The following FGF14 variants were observed in gnomAD, a reference collection of about 807,000 sequenced individuals.
The protein encoded by FGF14 is fibroblast growth factor homologous factor 4.
A neutral mutation model predicts 25.5 loss-of-function variants in FGF14; 5 were observed. The ratio of observed to expected loss-of-function variants is 0.20; its 90% CI spans 0.10 to 0.41. The LOEUF (loss-of-function observed/expected upper bound fraction) is 0.41. FGF14 is among the 10% of genes least tolerant of loss of function. FGF14 has a pLI of 1.00. For synonymous variants in FGF14, 138 were observed against 118.3 expected (o/e 1.17, Z -1.08); for missense variants, 222 against 320.1 (o/e 0.69, Z 2.34).
intron 1 of FGF14, among the ~76,000 whole-genome samples, chr13:102,059,962 A>C (rs1201469503): frequency 6.6e-6 from 1 of 152,208 alleles, no homozygotes; most frequent in Non-Finnish European, 1.5e-5. Context: ...GCCAAGGACT[A>C]AAATCAGTTA....
At chr13:102,253,600 C>G (rs1030035153) in intron 1 of FGF14, among the ~76,000 whole-genome samples, 2 of 152,140 alleles carry the variant, frequency 1.3e-5, no homozygotes, top group African/African-American at 4.8e-5. Context: ...CAAAAATTTC[C>G]CCCATTCTGT....
intron 1 of FGF14, among the ~76,000 whole-genome samples, chr13:101,976,676 C>G (rs2037946303): frequency 6.6e-6 from 1 of 152,174 alleles, no homozygotes; most frequent in South Asian, 2.1e-4. Flanking sequence ...TGCCATCACC[C>G]TCATTTCCTG....
intron 1 of FGF14, among the ~76,000 whole-genome samples, chr13:101,932,500 T>C (rs2034819986): frequency 7.5e-6 from 1 of 133,136 alleles, no homozygotes; most frequent in African/African-American, 3.0e-5. Context: ...GCCATTGCAC[T>C]CCAGCCTGGG....
intron 3 of FGF14, among the ~76,000 whole-genome samples, chr13:101,821,083 G>T: frequency 6.7e-6 from 1 of 148,384 alleles, no homozygotes; most frequent in African/African-American, 2.5e-5. Context: ...CAAGTAGCTG[G>T]GAGTACAGGC....
chr13:102,063,615 C>CA (rs56352155), intron 1 of FGF14, among the ~76,000 whole-genome samples: 17,381 of 136,576 alleles, frequency 0.13, 1,340 homozygotes, highest in African/African-American at 0.23. Flanking sequence ...GACTCTGTCT[C>CA]AAAAAAAAAA....
chr13:102,361,913 C>A (rs745371516), intron 1 of FGF14, among the ~76,000 whole-genome samples: 21 of 152,068 alleles, frequency 1.4e-4, no homozygotes, highest in Non-Finnish European at 2.8e-4. Context: ...CAGTCCAGGG[C>A]TGACATGGTG....
At chr13:101,953,100 A>C (rs2036278881) in intron 1 of FGF14, among the ~76,000 whole-genome samples, 1 of 152,004 alleles carries the variant, frequency 6.6e-6, no homozygotes, top group Non-Finnish European at 1.5e-5. Context: ...TCCCTCTACT[A>C]TTTGGCCAGA....
chr13:101,909,638 T>C (rs929461675), intron 1 of FGF14, among the ~76,000 whole-genome samples: 6 of 152,212 alleles, frequency 3.9e-5, no homozygotes, highest in Non-Finnish European at 8.8e-5. Flanking sequence ...TTTTACACTG[T>C]TGGTGGGACT....
intron 1 of FGF14, among the ~76,000 whole-genome samples, chr13:102,341,112 G>GA (rs1036936393): frequency 6.6e-6 from 1 of 151,824 alleles, no homozygotes; most frequent in Admixed American, 6.6e-5. Context: ...TAAAAGGGGG[G>GA]AAAAAAGACT....
chr13:102,186,861 G>A (rs1232900671), intron 1 of FGF14, among the ~76,000 whole-genome samples: 1 of 152,144 alleles, frequency 6.6e-6, no homozygotes, highest in Admixed American at 6.5e-5. Flanking sequence ...TGCAAGCAAT[G>A]CAGGCACACA....
rs569413824 is a variant in FGF14 at position 101,968,636 on chromosome 13, G to A, written c.209-93340C>T. ...TGCAGTGAGCTGAGATCGTGCCACT[G>A]CAATCCAGCCTGGGCGACAGAGCGA... On this transcript the variant is annotated intron_variant, in intron 1 of 4. Transcript: ENST00000376131. 4.7e-4 allele frequency among the ~76,000 whole-genome samples: 64 copies of A among 137,188 alleles called. No individual in the cohort carries two copies. In the South Asian group the frequency reaches 8.4e-3, roughly 18 times the overall value. 90.0% of individuals were successfully genotyped at this position (137,188 alleles called of 152,430 possible). A position where few individuals can be genotyped will look rare whatever the true frequency, so the allele number is the denominator to read the frequency against.
chr13:102,176,699 A>T (rs974174732), intron 1 of FGF14, among the ~76,000 whole-genome samples: 2 of 152,180 alleles, frequency 1.3e-5, no homozygotes, highest in Admixed American at 6.5e-5. Context: ...GATAGATATC[A>T]TGCTAAGTGT....
intron 1 of FGF14, among the ~76,000 whole-genome samples, chr13:102,242,422 AAGTCC>A (rs2051647500): frequency 6.6e-6 from 1 of 152,084 alleles, no homozygotes; most frequent in Non-Finnish European, 1.5e-5. Context: ...GGAGGCTGGC[AAGTCC>A]AAGATCAGGG....
At chr13:102,190,414 C>T (rs1417273832) in intron 1 of FGF14, among the ~76,000 whole-genome samples, 2 of 152,194 alleles carry the variant, frequency 1.3e-5, no homozygotes, top group African/African-American at 2.4e-5. Context: ...ATTGTCACAA[C>T]TGCAACAGTG....
At chr13:101,859,304 T>A (rs1430602383) in intron 3 of FGF14, among the ~76,000 whole-genome samples, 1 of 152,168 alleles carries the variant, frequency 6.6e-6, no homozygotes, top group Non-Finnish European at 1.5e-5. Context: ...TTTCATGGAA[T>A]CACAGATTCT....
At chr13:102,189,240 A>T (rs1755005) in intron 1 of FGF14, among the ~76,000 whole-genome samples, 2 of 151,938 alleles carry the variant, frequency 1.3e-5, no homozygotes, top group East Asian at 1.9e-4. Flanking sequence ...AGTTGGTTTT[A>T]GTCAAATTGA....
At chr13:102,022,681 T>C (rs150580101) in intron 1 of FGF14, among the ~76,000 whole-genome samples, 57 of 152,146 alleles carry the variant, frequency 3.7e-4, no homozygotes, top group African/African-American at 1.3e-3. Context: ...ATGTTTAAAA[T>C]TGCACAAAAT....
chr13:102,360,487 T>C (rs976094321), intron 1 of FGF14, among the ~76,000 whole-genome samples: 1 of 152,086 alleles, frequency 6.6e-6, no homozygotes, highest in Non-Finnish European at 1.5e-5. Context: ...CTTGACTGTG[T>C]CCATTAAAAA....
At chr13:102,367,368 C>T in intron 1 of FGF14, 1 of 152,380 alleles carries the variant, frequency 6.6e-6, no homozygotes, top group Non-Finnish European at 1.5e-5. Context: ...AGTGTCCCCA[C>T]CTGATGGCAG....
Sources: allele counts gnomAD v4.1 joint callset (sites outside exome capture counted in the v4.1 genomes callset), GRCh38; gene constraint gnomAD v4.1.1; transcripts MANE v1.5; gene names NCBI Gene and HGNC (gene_info 2026-07-23, HGNC 2026-07-21).